NUP210L: variants seen among roughly 807,000 people sequenced by gnomAD.
The protein encoded by NUP210L is nucleoporin 210 like, also known as nuclear pore membrane glycoprotein 210-like.
A neutral mutation model predicts 208.5 loss-of-function variants in NUP210L; 74 were observed. The ratio of observed to expected loss-of-function variants is 0.35; its 90% CI spans 0.29 to 0.43. NUP210L has a LOEUF of 0.43. Among genes scored for constraint, NUP210L ranks in the 20% least tolerant of loss-of-function variants. The pLI is 1.00. For synonymous variants in NUP210L, 780 were observed against 816.9 expected (o/e 0.95, Z 0.77); for missense variants, 1,843 against 2,289.4 (o/e 0.81, Z 3.98).
At chr1:154,031,208 G>A (rs1294836784) in intron 27 of NUP210L, among the ~76,000 whole-genome samples, 1 of 152,032 alleles carries the variant, frequency 6.6e-6, no homozygotes, top group Non-Finnish European at 1.5e-5. Flanking sequence ...CCCTGTCTCA[G>A]TCCCCCAAAT....
chr1:154,057,498 A>G (rs1221255512), intron 22 of NUP210L, among the ~76,000 whole-genome samples: 1 of 152,112 alleles, frequency 6.6e-6, no homozygotes, highest in Non-Finnish European at 1.5e-5. Context: ...TGCAAATACT[A>G]AATTGCCTGA....
At chr1:154,063,197 T>C (rs1346519531) in intron 17 of NUP210L, among the ~76,000 whole-genome samples, 2 of 152,114 alleles carry the variant, frequency 1.3e-5, no homozygotes, top group Admixed American at 1.3e-4. Context: ...AGAGCACATA[T>C]AGTATATAAG....
intron 15 of NUP210L, among the ~76,000 whole-genome samples, chr1:154,090,938 C>T (rs964313750): frequency 6.6e-6 from 1 of 151,630 alleles, no homozygotes; most frequent in Non-Finnish European, 1.5e-5. Context: ...TATGGTGGTT[C>T]CTCAAGAAAT....
chr1:154,134,014 G>GTGGC (rs1658386643), intron 7 of NUP210L, among the ~76,000 whole-genome samples: 1 of 151,896 alleles, frequency 6.6e-6, no homozygotes, highest in Non-Finnish European at 1.5e-5. Context: ...GCCGGGCATG[G>GTGGC]TGGCGCACAC....
At chr1:153,995,017 A>G (rs1304678384) in intron 38 of NUP210L, 59 bp downstream of exon 38, 2 of 1,184,606 alleles carry the variant, frequency 1.7e-6, no homozygotes, top group Non-Finnish European at 2.4e-6. Context: ...ATCTCAAAAA[A>G]AAAAAAAAAA....
chr1:154,046,267 T>TG (rs757611463), intron 26 of NUP210L, 22 bp downstream of exon 26: 2 of 1,614,004 alleles, frequency 1.2e-6, no homozygotes. Context: ...TAATGAGCCC[T>TG]GAACAGAGCC....
chr1:154,137,672 G>A (rs887887589), intron 6 of NUP210L, among the ~76,000 whole-genome samples: 3 of 152,036 alleles, frequency 2.0e-5, no homozygotes, highest in African/African-American at 7.2e-5. Flanking sequence ...CCATGATCAT[G>A]CCACTGTACT....
chr1:154,055,180 T>TTTCTTTCTTTC (rs1653789990), intron 23 of NUP210L, among the ~76,000 whole-genome samples: 1 of 133,904 alleles, frequency 7.5e-6, no homozygotes, highest in Admixed American at 7.6e-5. Flanking sequence ...TCTTTCTTTC[T>TTTCTTTCTTTC]TTCTTTCTTT....
intron 35 of NUP210L, among the ~76,000 whole-genome samples, 180 bp downstream of exon 35, chr1:154,009,792 C>CAAAAAAAAAAAA (rs373230285): frequency 3.1e-5 from 2 of 64,570 alleles, no homozygotes; most frequent in Non-Finnish European, 3.4e-5. Flanking sequence ...GACCCAGTCT[C>CAAAAAAAAAAAA]AAAAAAAAAA....
At chr1:154,002,479 G>A (rs1366190945) in intron 35 of NUP210L, among the ~76,000 whole-genome samples, 1 of 151,940 alleles carries the variant, frequency 6.6e-6, no homozygotes, top group Non-Finnish European at 1.5e-5. Context: ...CTAAAAATAC[G>A]AGGATTAGCC....
At chr1:154,081,433 A>G (rs1178238657) in intron 16 of NUP210L, among the ~76,000 whole-genome samples, 1 of 152,340 alleles carries the variant, frequency 6.6e-6, no homozygotes, top group South Asian at 2.1e-4. Context: ...TTTCTTGAGT[A>G]ATAGGATTGT....
At chr1:154,018,235 G>C (rs1360251875) in intron 33 of NUP210L, among the ~76,000 whole-genome samples, 1 of 152,096 alleles carries the variant, frequency 6.6e-6, no homozygotes, top group Admixed American at 6.6e-5. Flanking sequence ...GCTTCCCAAA[G>C]TGCTGGAATT....
rs1337599995 is a variant in NUP210L at position 154,141,418 on chromosome 1, GT to G, written c.566+12del. The G allele has an allele frequency of 6.6e-7, 1 of 1,519,876 alleles. No individual in the cohort carries two copies. The highest frequency in any genetic ancestry group is 1.1e-5 in the South Asian group (1 of 89,110). The allele number at this position is 1,519,876 out of a possible 1,614,324, so 94.1% of individuals were successfully genotyped here. A position where few individuals can be genotyped will look rare whatever the true frequency, so the allele number is the denominator to read the frequency against. ...TTCATAGTCAGATGATTTATGTTTG[GT>G]TTCAAGTTTACCTAATTTTGCTAGA... On this transcript the variant is annotated intron_variant, in intron 4 of 39. Transcript: ENST00000368559.
chr1:154,149,087 C>CTTTTTTTTTTTT lies in NUP210L; in HGVS notation c.340+3637_340+3648dup, dbSNP rs770217261. On this transcript the variant is annotated intron_variant, in intron 2 of 39. Coordinates refer to ENST00000368559, the Ensembl canonical transcript of NUP210L. ...ACTACTTCAACAGCAGAAAACTTCT[C>CTTTTTTTTTTTT]TTTTTTTTTTTTCCTGAGAAGGAGT... Among the ~76,000 whole-genome samples the CTTTTTTTTTTTT allele has an allele frequency of 6.2e-4, 74 of 119,334 alleles. 4 individuals carry two copies. The highest frequency in any genetic ancestry group is 1.9e-3 in the Admixed American group (18 of 9,638). The allele number at this position is 119,334 out of a possible 152,430, so 78.3% of individuals were successfully genotyped here.
At chr1:154,044,593 A>AT (rs750049484) in intron 27 of NUP210L, among the ~76,000 whole-genome samples, 5 of 151,474 alleles carry the variant, frequency 3.3e-5, no homozygotes, top group African/African-American at 7.3e-5. Flanking sequence ...AAGATTACAA[A>AT]TTTTTTTTTA....
intron 16 of NUP210L, among the ~76,000 whole-genome samples, chr1:154,082,609 A>T (rs1655397147): frequency 6.6e-6 from 1 of 152,184 alleles, no homozygotes; most frequent in African/African-American, 2.4e-5. Flanking sequence ...CCTTTATAAT[A>T]AACTGGTAAA....
chr1:154,075,520 G>C (rs1654987625), intron 16 of NUP210L, among the ~76,000 whole-genome samples: 1 of 152,034 alleles, frequency 6.6e-6, no homozygotes, highest in Non-Finnish European at 1.5e-5. Context: ...ATAGGTCAAA[G>C]AGTACAGATG....
At chr1:154,049,260 C>A (rs990540964) in intron 25 of NUP210L, among the ~76,000 whole-genome samples, 5 of 152,102 alleles carry the variant, frequency 3.3e-5, no homozygotes, top group Non-Finnish European at 5.9e-5. Flanking sequence ...AACTTCTGTA[C>A]CCTTAAATTT....
intron 16 of NUP210L, among the ~76,000 whole-genome samples, chr1:154,087,398 T>G (rs1655685079): frequency 6.6e-6 from 1 of 151,748 alleles, no homozygotes. Context: ...GATACCACTT[T>G]ATACCCACTA....
Sources: allele counts gnomAD v4.1 joint callset (sites outside exome capture counted in the v4.1 genomes callset), GRCh38; gene constraint gnomAD v4.1.1; transcripts MANE v1.5; gene names NCBI Gene and HGNC (gene_info 2026-07-23, HGNC 2026-07-21).